GAN: variants seen among roughly 807,000 people sequenced by gnomAD.
The protein encoded by GAN is gigaxonin, also known as epididymis secretory sperm binding protein.
A neutral mutation model predicts 71.3 loss-of-function variants in GAN; 48 were observed. The observed-to-expected ratio is 0.67, with a 90% CI of 0.53 to 0.86. The LOEUF (loss-of-function observed/expected upper bound fraction) is 0.86, where lower values mean the gene tolerates loss of function less well. Ranked by LOEUF, GAN falls within the 40% of genes least tolerant of loss-of-function variation. GAN has a pLI of 0.00. For missense variants in GAN, 928 were observed against 770.1 expected (o/e 1.21, Z -2.43); for synonymous variants, 386 against 276.8 (o/e 1.39, Z -3.92).
chr16:81,327,262 C>G (rs980654895), intron 1 of GAN, among the ~76,000 whole-genome samples: 2 of 152,194 alleles, frequency 1.3e-5, no homozygotes, highest in African/African-American at 4.8e-5. Context: ...GCATTTTCAG[C>G]TTCAAGTTGT....
chr16:81,327,064 TACTTTTGG>T (rs1251672623), intron 1 of GAN, among the ~76,000 whole-genome samples: 2 of 152,220 alleles, frequency 1.3e-5, no homozygotes, highest in Non-Finnish European at 2.9e-5. Context: ...TTTAGAGTCT[TACTTTTGG>T]ACTGTTTTAG....
At chr16:81,343,874 A>T (rs1434167157) in intron 1 of GAN, among the ~76,000 whole-genome samples, 1 of 152,212 alleles carries the variant, frequency 6.6e-6, no homozygotes, top group Non-Finnish European at 1.5e-5. Flanking sequence ...AAATCCCATC[A>T]TCTCAGCCCA....
At chr16:81,353,575 G>A (rs1422570238) in intron 2 of GAN, among the ~76,000 whole-genome samples, 1 of 152,164 alleles carries the variant, frequency 6.6e-6, no homozygotes, top group Non-Finnish European at 1.5e-5. Flanking sequence ...AGTGTAAAAT[G>A]TAAAAATGTT....
intron 4 of GAN, 84 bp from the exon 5 acceptor site, chr16:81,357,726 T>C (rs1910537610): frequency 1.1e-5 from 14 of 1,251,474 alleles, no homozygotes; most frequent in African/African-American, 1.5e-5. Context: ...AAATATTCTT[T>C]AGTAAACTAA....
rs545823469 is a variant in GAN, at chr16:81,315,396, C to T, written c.167+116C>T. 495 of 663,000 alleles carry T rather than the reference C, an allele frequency of 7.5e-4. 1 individual carries two copies. The African/African-American group carries it at 8.4e-3, about 11-fold the overall frequency. The allele number at this position is 663,000 out of a possible 1,614,324, so 41.1% of individuals were successfully genotyped here. A position where few individuals can be genotyped will look rare whatever the true frequency, so the allele number is the denominator to read the frequency against. On this transcript the variant is annotated intron_variant, in intron 1 of 10. Coordinates refer to ENST00000648994, the MANE Select transcript of GAN (RefSeq NM_022041.4). ...CCCCTGTCCCCGGCGCCGGGGTCCCCGCGTCACCGTTGGCGCGGCGTCCCT... is the reference window on the plus strand; with the variant it reads ...CCCCTGTCCCCGGCGCCGGGGTCCCTGCGTCACCGTTGGCGCGGCGTCCCT...
In GAN at chr16:81,365,448, A is replaced by C; in HGVS notation, c.1472A>C (p.Lys491Thr). 1 of 1,613,804 alleles carries C rather than the reference A, an allele frequency of 6.2e-7. No homozygotes were observed. The highest frequency in any genetic ancestry group is 8.5e-7 in the Non-Finnish European group (1 of 1,179,944). The change falls in exon 9 of 11, where the codon AAG (lysine) becomes ACG (threonine). Residue 491 changes from lysine (K) to threonine (T), a missense_variant. Lys to Thr is a moderately conservative substitution (Grantham distance 78). Coordinates refer to ENST00000648994, the MANE Select transcript of GAN (RefSeq NM_022041.4). ...CAGGGTAGCGAGATGGTAACTTGCA[A>C]GTCCGAGTTCTACCATGATGAGTTT... ...DAQGSEMVTC[K>T]SEFYHDEFKR...
At chr16:81,368,856 C>A (rs968781522) in intron 9 of GAN, among the ~76,000 whole-genome samples, 15 of 152,176 alleles carry the variant, frequency 9.9e-5, no homozygotes, top group Non-Finnish European at 1.8e-4. Flanking sequence ...GTGGCACATA[C>A]CTTTTTGCTC....
Position 81,383,894 on chromosome 16 carries a change from A to T in GAN, c.*6298A>T, listed in dbSNP as rs1305519232. On this transcript the variant is annotated 3_prime_UTR_variant, in exon 11 of 11. Coordinates refer to ENST00000648994, the MANE Select transcript of GAN (RefSeq NM_022041.4). ...GGTTCATCTGTCTTCTGGTTGGTGA[A>T]TTATATTTATTAGGATCTTATTTTT... 1 of 152,102 alleles carries T rather than the reference A, an allele frequency of 6.6e-6. No homozygotes were observed. The highest frequency in any genetic ancestry group is 1.9e-4 in the East Asian group (1 of 5,188). 9.4% of individuals were successfully genotyped at this position (152,102 alleles called of 1,614,324 possible). A position where few individuals can be genotyped will look rare whatever the true frequency, so the allele number is the denominator to read the frequency against.
intron 9 of GAN, among the ~76,000 whole-genome samples, chr16:81,376,491 G>A (rs1031949300): frequency 2.0e-5 from 3 of 147,528 alleles, no homozygotes; most frequent in Non-Finnish European, 4.5e-5. Flanking sequence ...GTGTGTGTGT[G>A]TGTGTGTGTG....
chr16:81,344,441 C>T (rs761075957), intron 1 of GAN, among the ~76,000 whole-genome samples: 9 of 152,114 alleles, frequency 5.9e-5, no homozygotes, highest in African/African-American at 7.2e-5. Flanking sequence ...TGGAACAGAA[C>T]GGAGGCCTCA....
chr16:81,327,771 C>G (rs964041239), intron 1 of GAN, among the ~76,000 whole-genome samples: 1 of 150,196 alleles, frequency 6.7e-6, no homozygotes, highest in Admixed American at 6.6e-5. Flanking sequence ...TTTAATTAGA[C>G]AGGGGAAACT....
intron 7 of GAN, among the ~76,000 whole-genome samples, chr16:81,364,466 T>G (rs1255284358): frequency 6.6e-6 from 1 of 152,156 alleles, no homozygotes; most frequent in Non-Finnish European, 1.5e-5. Context: ...AGGGTTTCAC[T>G]ATGTTGCCCC....
chr16:81,364,947 T>TC (rs763854163), intron 7 of GAN, 27 bp from the exon 8 acceptor site: 4 of 1,611,996 alleles, frequency 2.5e-6, no homozygotes, highest in Non-Finnish European at 3.4e-6. Flanking sequence ...ATGTTGCCTC[T>TC]CCCCCACCAT....
rs886052341 is a variant in GAN, at chr16:81,378,147, C to G, written c.*551C>G. 6.1e-6 allele frequency: 1 copy of G among 164,520 alleles called. No individual in the cohort carries two copies. Among genetic ancestry groups the G allele is most frequent in the Non-Finnish European group, 1.3e-5 (1 of 74,272 alleles). The allele number at this position is 164,520 out of a possible 1,614,324, so 10.2% of individuals were successfully genotyped here. On this transcript the variant is annotated 3_prime_UTR_variant, in exon 11 of 11. Coordinates refer to ENST00000648994, the MANE Select transcript of GAN (RefSeq NM_022041.4). ...AGTTAGTCTCCATTTATTCCTAGTA[C>G]TCTGTCCTAAGAATCTTTTTAAAAC...
At chr16:81,330,073 C>G (rs1270273647) in intron 1 of GAN, among the ~76,000 whole-genome samples, 3 of 152,200 alleles carry the variant, frequency 2.0e-5, no homozygotes, top group African/African-American at 7.2e-5. Flanking sequence ...GTTTCTACCT[C>G]TCAGATCTCT....
chr16:81,359,017 A>T (rs1910582601), intron 5 of GAN, among the ~76,000 whole-genome samples: 1 of 152,204 alleles, frequency 6.6e-6, no homozygotes, highest in Admixed American at 6.5e-5. Flanking sequence ...TTTTAAAGCT[A>T]TACTGTACCA....
chr16:81,321,535 T>C (rs757008864), intron 1 of GAN, among the ~76,000 whole-genome samples: 8 of 152,236 alleles, frequency 5.3e-5, no homozygotes, highest in Non-Finnish European at 1.0e-4. Context: ...TTGGATGATA[T>C]AGAGTAAGCA....
chr16:81,319,710 C>A (rs932653693), intron 1 of GAN, among the ~76,000 whole-genome samples: 1 of 151,334 alleles, frequency 6.6e-6, no homozygotes, highest in East Asian at 1.9e-4. Flanking sequence ...TTCCCCCCGA[C>A]CCCCCCTTAT....
intron 1 of GAN, among the ~76,000 whole-genome samples, chr16:81,342,921 C>T (rs140001756): frequency 0.014 from 2,102 of 151,980 alleles, 42 homozygotes; most frequent in African/African-American, 0.048. Flanking sequence ...ATCAAATAGA[C>T]GGAATAAAAA....
Sources: allele counts gnomAD v4.1 joint callset (sites outside exome capture counted in the v4.1 genomes callset), GRCh38; gene constraint gnomAD v4.1.1; transcripts MANE v1.5; gene names NCBI Gene and HGNC (gene_info 2026-07-23, HGNC 2026-07-21).